HAAO: variants seen among roughly 807,000 people sequenced by gnomAD.
HAAO encodes 3-hydroxyanthranilate oxygenase.
Under a neutral mutation model 46.2 loss-of-function variants are expected in HAAO, and 49 were observed. The ratio of observed to expected loss-of-function variants is 1.06; its 90% CI spans 0.84 to 1.34. The LOEUF is 1.34. Ranked by LOEUF, HAAO falls within the 40% of genes most tolerant of loss-of-function variation. The probability of loss-of-function intolerance (pLI) is 0.00; values close to 1 mark genes in which losing one functional copy is unlikely to be tolerated. For synonymous variants in HAAO, 157 were observed against 145.2 expected, an observed-to-expected ratio of 1.08 and a Z score of -0.58; for missense variants, 408 against 364.5, an observed-to-expected ratio of 1.12 and a Z score of -0.97.
chr2:42,767,351 A>T lies in HAAO; in HGVS notation c.*86T>A. The stretch of plus-strand genomic sequence containing the variant: ...ACACAGCGGCAGTACACAGAGAGGT[A>T]GTGGGGGCTGGGAGAGTTGTTTGGC... On this transcript the variant is annotated 3_prime_UTR_variant, in exon 10 of 10. Coordinates refer to ENST00000294973, the MANE Select transcript of HAAO (RefSeq NM_012205.3). 1.2e-6 allele frequency: 1 copy of T among 860,102 alleles called. No homozygotes were observed. The highest frequency in any genetic ancestry group is 2.0e-6 in the Non-Finnish European group (1 of 511,512). 53.3% of individuals were successfully genotyped at this position (860,102 alleles called of 1,614,324 possible).
At chr2:42,770,392 C>A in intron 5 of HAAO, 101 bp downstream of exon 5, 1 of 1,012,540 alleles carries the variant, frequency 9.9e-7, no homozygotes, top group Non-Finnish European at 1.5e-6. Flanking sequence ...GCTCTCTGGG[C>A]CAGGATCTCC....
At chr2:42,788,506 C>A in intron 2 of HAAO, 23 bp downstream of exon 2, 1 of 1,505,822 alleles carries the variant, frequency 6.6e-7, no homozygotes, top group African/African-American at 1.4e-5. Flanking sequence ...AGGCCTAGAT[C>A]CAGGGAGACC....
chr2:42,788,217 C>G (rs1672532450), intron 2 of HAAO, among the ~76,000 whole-genome samples: 1 of 152,202 alleles, frequency 6.6e-6, no homozygotes, highest in Non-Finnish European at 1.5e-5. Flanking sequence ...CAGGACGTCC[C>G]CCTTCACATG....
intron 1 of HAAO, 133 bp from the exon 2 acceptor site, chr2:42,788,740 C>T (rs1314267177): frequency 2.9e-6 from 2 of 692,084 alleles, no homozygotes; most frequent in Non-Finnish European, 2.7e-6. Context: ...CTCACTGTCC[C>T]TGTTCCCCAA....
Position 42,767,363 on chromosome 2 carries a change from G to C in HAAO, c.*74C>G. 6.0e-6 allele frequency: 6 copies of C among 997,226 alleles called. No individual in the cohort carries two copies. Among genetic ancestry groups the C allele is most frequent in the Admixed American group, 1.9e-5 (1 of 53,362 alleles). 61.8% of individuals were successfully genotyped at this position (997,226 alleles called of 1,614,324 possible). ...TACACAGAGAGGTAGTGGGGGCTGG[G>C]AGAGTTGTTTGGCAGGGATGGCACT... On this transcript the variant is annotated 3_prime_UTR_variant, in exon 10 of 10. Coordinates refer to ENST00000294973, the MANE Select transcript of HAAO (RefSeq NM_012205.3).
chr2:42,771,998 T>C (rs1361513474), intron 4 of HAAO, among the ~76,000 whole-genome samples: 1 of 152,218 alleles, frequency 6.6e-6, no homozygotes, highest in African/African-American at 2.4e-5. Context: ...AGCAGCCAGA[T>C]GAAATGTGTT....
intron 4 of HAAO, among the ~76,000 whole-genome samples, chr2:42,774,209 C>G (rs572162935): frequency 3.1e-4 from 47 of 152,202 alleles, no homozygotes; most frequent in Admixed American, 2.6e-3. Flanking sequence ...GTGTCACGAG[C>G]GTGCATCCTC....
At position 42,769,773 on chromosome 2, in the gene HAAO, G is replaced by A; in HGVS notation, c.570C>T (p.His190=). ...GTGTGCCTGCCTGCAGCTCCCTGTG[G>A]TGGCTGTCCAGCCAGGCATCCAGGG... ...PMSLDAWLDS[H]HRELQAGTPL... is the part of the protein sequence containing the mutation. Residue 190 remains histidine, a synonymous_variant, in exon 7 of 10, where the codon CAC becomes CAT. Transcript: ENST00000294973. 2.5e-6 allele frequency: 4 copies of A among 1,614,022 alleles called. No individual in the cohort carries two copies. Among genetic ancestry groups the A allele is most frequent in the Non-Finnish European group, 2.5e-6 (3 of 1,179,974 alleles).
intron 4 of HAAO, among the ~76,000 whole-genome samples, chr2:42,774,392 C>T (rs554699970): frequency 6.6e-6 from 1 of 152,190 alleles, no homozygotes. Flanking sequence ...ACCAATAGGA[C>T]AATTTGCTGA....
At chr2:42,781,383 T>C (rs60847173) in intron 4 of HAAO, among the ~76,000 whole-genome samples, 56,961 of 151,602 alleles carry the variant, frequency 0.38, 11,736 homozygotes, top group African/African-American at 0.53. Context: ...TTTCTGACCT[T>C]TGGTAAGTAA....
chr2:42,770,335 C>T, intron 5 of HAAO, 149 bp from the exon 6 acceptor site: 1 of 872,088 alleles, frequency 1.1e-6, no homozygotes, highest in Non-Finnish European at 1.8e-6. Flanking sequence ...CCATCCTTTC[C>T]CTCCCAGCGG....
In HAAO at chr2:42,770,589, G is replaced by C. The variant is rs1167300979; in HGVS notation, c.351-7C>G. On this transcript the variant is annotated splice_region_variant and splice_polypyrimidine_tract_variant and intron_variant, in intron 4 of 9. Transcript: ENST00000294973. ...GGTGTCGCCCACATAGTACCTGCCA[G>C]AGCAGAGGACAGGCAACCCTGCTGT... is the stretch of plus-strand genomic sequence containing the variant. 7 of 1,544,174 alleles carry C rather than the reference G, an allele frequency of 4.5e-6. No homozygotes were observed.
At chr2:42,769,512 G>A (rs1239688820) in intron 7 of HAAO, among the ~76,000 whole-genome samples, 1 of 152,168 alleles carries the variant, frequency 6.6e-6, no homozygotes, top group Non-Finnish European at 1.5e-5. Flanking sequence ...CAGAGCCATC[G>A]CCTTCTGCGT....
chr2:42,783,930 C>T (rs1327835082), intron 2 of HAAO, 63 bp from the exon 3 acceptor site: 2 of 1,560,790 alleles, frequency 1.3e-6, no homozygotes, highest in Non-Finnish European at 1.7e-6. Flanking sequence ...TGGCCACTGC[C>T]CAGGCCCTGA....
chr2:42,770,038 T>G, intron 6 of HAAO, 105 bp downstream of exon 6: 2 of 1,171,020 alleles, frequency 1.7e-6, no homozygotes, highest in East Asian at 2.5e-5. Flanking sequence ...CCTTGAGGAC[T>G]GGGCAGAGTA....
rs1418570526 is a variant in HAAO at position 42,783,841 on chromosome 2, C to T, written c.186G>A (p.Met62Ile). 1 of 1,612,444 alleles carries T rather than the reference C, an allele frequency of 6.2e-7. No individual in the cohort carries two copies. The highest frequency in any genetic ancestry group is 2.2e-5 in the East Asian group (1 of 44,866). Residue 62 changes from methionine (M) to isoleucine (I), a missense_variant, in exon 3 of 10, where the codon ATG becomes ATA. Met to Ile is a conservative substitution (Grantham distance 10). Coordinates refer to ENST00000294973, the MANE Select transcript of HAAO (RefSeq NM_012205.3). ...TCCCTTGCTCCAGGACTCGGAGAAC[C>T]ATGTCTCCCTCCAGCTGGTAAAATA... is the stretch of plus-strand genomic sequence containing the variant. ...EEVFYQLEGD[M>I]VLRVLEQGKH...
intron 4 of HAAO, among the ~76,000 whole-genome samples, chr2:42,779,131 AGTTCAGTTTCTCT>A (rs1424036612): frequency 6.6e-6 from 1 of 152,102 alleles, no homozygotes. Flanking sequence ...TAAATAAATA[AGTTCAGTTTCTCT>A]ATAAATTAGT....
At position 42,767,375 on chromosome 2, in the gene HAAO, G is replaced by T. The variant is rs1670739838; in HGVS notation, c.*62C>A. ...TAGTGGGGGCTGGGAGAGTTGTTTG[G>T]CAGGGATGGCACTCGAGGGTGCTTG... On this transcript the variant is annotated 3_prime_UTR_variant, in exon 10 of 10. Coordinates refer to ENST00000294973, the MANE Select transcript of HAAO (RefSeq NM_012205.3). 3.5e-6 allele frequency: 4 copies of T among 1,150,424 alleles called. No homozygotes were observed. Among genetic ancestry groups the T allele is most frequent in the Non-Finnish European group, 3.9e-6 (3 of 768,670 alleles). The allele number at this position is 1,150,424 out of a possible 1,614,324, so 71.3% of individuals were successfully genotyped here.
intron 1 of HAAO, 36 bp downstream of exon 1, chr2:42,792,421 G>A: frequency 7.8e-7 from 1 of 1,278,672 alleles, no homozygotes; most frequent in Non-Finnish European, 1.1e-6. Context: ...GGGAGGAGGC[G>A]AGGGCAGGGG....
Sources: allele counts gnomAD v4.1 joint callset (sites outside exome capture counted in the v4.1 genomes callset), GRCh38; gene constraint gnomAD v4.1.1; transcripts MANE v1.5; gene names NCBI Gene and HGNC (gene_info 2026-07-23, HGNC 2026-07-21).